Variants in MAN2A2 observed in about 807,000 individuals in gnomAD.
MAN2A2 encodes the protein mannosidase alpha class 2A member 2.
A neutral mutation model predicts 126.8 loss-of-function variants in MAN2A2; 79 were observed. The observed-to-expected ratio is 0.62, with a 90% confidence interval of 0.52 to 0.75. The LOEUF is 0.75. Ranked by LOEUF, MAN2A2 falls within the 30% of genes least tolerant of loss-of-function variation. MAN2A2 has a pLI of 0.00. For missense variants in MAN2A2, 1,392 were observed against 1,522.4 expected (o/e 0.91, Z 1.43); for synonymous variants, 671 against 618.7 (o/e 1.08, Z -1.25).
At position 90,910,254 on chromosome 15, in the gene MAN2A2, C is replaced by G. The variant is rs1299068682; in HGVS notation, c.1539C>G (p.Phe513Leu). The G allele has an allele frequency of 1.9e-6, 3 of 1,614,098 alleles. No individual in the cohort carries two copies. The highest frequency in any genetic ancestry group is 1.3e-5 in the African/African-American group (1 of 74,942). The change falls in exon 10 of 23, where the codon TTC (phenylalanine) becomes TTG (leucine). Residue 513 changes from phenylalanine (F) to leucine (L), a missense_variant. Transcript: ENST00000559717. ...CAGGCTATTACACTTCCCGGCCCTT[C>G]TACAAGAGCTTAGACCGAGTCCTGG... Reference protein sequence around the residue: ...YWTGYYTSRPFYKSLDRVLEA... With the variant: ...YWTGYYTSRPLYKSLDRVLEA...
chr15:90,913,535 G>C (rs535858094), intron 18 of MAN2A2, 79 bp from the exon 19 acceptor site: 5 of 1,564,364 alleles, frequency 3.2e-6, no homozygotes, highest in Non-Finnish European at 4.3e-6. Flanking sequence ...AAGAGTTATC[G>C]GGGACTCCTT....
At position 90,919,770 on chromosome 15, in the gene MAN2A2, C is replaced by T. The variant is rs143436965; in HGVS notation, c.3436C>T (p.Arg1146Cys). ...YLEPMEIATF[R>C]LRLG ...GGAGCCCATGGAGATTGCTACCTTT[C>T]GCCTCCGCTTGGGTTAGGGCTTCTT... Residue 1146 changes from arginine (R) to cysteine (C), a missense_variant, in exon 23 of 23, where the codon CGC becomes TGC. Arg to Cys is a radical substitution (Grantham distance 180). Coordinates refer to ENST00000559717, the MANE Select transcript of MAN2A2 (RefSeq NM_006122.4). The T allele has an allele frequency of 4.8e-4, 772 of 1,614,138 alleles. No homozygotes were observed. The highest frequency in any genetic ancestry group is 6.1e-4 in the Non-Finnish European group (725 of 1,180,016).
rs181792880 is a variant in MAN2A2, at chr15:90,918,877, G to C, written c.3300+122G>C. 5.4e-4 allele frequency: 389 copies of C among 721,498 alleles called. 7 individuals carry two copies. The Middle Eastern group carries it at 8.3e-3, about 15-fold the overall frequency. The allele number at this position is 721,498 out of a possible 1,614,324, so 44.7% of individuals were successfully genotyped here. On this transcript the variant is annotated intron_variant, in intron 22 of 22. Coordinates refer to ENST00000559717, the MANE Select transcript of MAN2A2 (RefSeq NM_006122.4). ...CACTCCAGGGCTTTCTGGAGAGAAG[G>C]GGGGAAGCTGTAGACATGTTTTCAG...
rs889155146 is a variant in MAN2A2 at position 90,913,114 on chromosome 15, C to G, written c.2584+123C>G. ...CCGTATCATTTGAGACAGGGATGCT[C>G]CATTCTCTTGGAGAAAAAGTCATCC... is the stretch of plus-strand genomic sequence containing the variant. On this transcript the variant is annotated intron_variant, in intron 17 of 22. Transcript: ENST00000559717. 21 of 1,166,126 alleles carry G rather than the reference C, an allele frequency of 1.8e-5. No individual in the cohort carries two copies. In the African/African-American group the frequency reaches 2.8e-4, roughly 15 times the overall value. 72.2% of individuals were successfully genotyped at this position (1,166,126 alleles called of 1,614,324 possible). A position where few individuals can be genotyped will look rare whatever the true frequency, so the allele number is the denominator to read the frequency against.
chr15:90,909,307 TG>T lies in MAN2A2; in HGVS notation c.1197-19del, dbSNP rs755046225. ...CTGATGAGACTTCGTGGTGGGCCCA[TG>T]TTTTTTTTCCTGCCCCAGGGCAGCC... On this transcript the variant is annotated intron_variant, in intron 8 of 22. Transcript: ENST00000559717. 2 of 1,594,892 alleles carry T rather than the reference TG, an allele frequency of 1.3e-6. No individual in the cohort carries two copies. The highest frequency in any genetic ancestry group is 2.2e-5 in the South Asian group (2 of 90,200).
At chr15:90,906,099 C>G in intron 5 of MAN2A2, 83 bp downstream of exon 5, 1 of 1,568,930 alleles carries the variant, frequency 6.4e-7, no homozygotes, top group Non-Finnish European at 8.7e-7. Context: ...GCTATGGGTG[C>G]CAAGGTGGCA....
intron 16 of MAN2A2, 96 bp downstream of exon 16, chr15:90,912,760 T>C: frequency 6.3e-7 from 1 of 1,585,924 alleles, no homozygotes; most frequent in Non-Finnish European, 8.6e-7. Context: ...GGCCTTGTCT[T>C]TCCTGTTCAG....
rs1481303976 is a variant in MAN2A2 at position 90,910,911 on chromosome 15, G to T, written c.1825G>T (p.Gly609Trp). 1.2e-6 allele frequency: 2 copies of T among 1,614,016 alleles called. No homozygotes were observed. The highest frequency in any genetic ancestry group is 3.3e-5 in the Admixed American group (2 of 59,994). ...IIHAAHYLVL[G>W]DKETYHFDPE... ...TCATGCAGCCCACTATCTGGTGCTG[G>T]GGGACAAGGAGACCTACCACTTTGA... The change falls in exon 12 of 23, where the codon GGG becomes TGG. Residue 609 changes from glycine to tryptophan, a missense_variant. By Grantham distance (184) the Gly-to-Trp change is radical. Coordinates refer to ENST00000559717, the MANE Select transcript of MAN2A2 (RefSeq NM_006122.4).
At chr15:90,918,055 G>GCCAGGCGTGCCCTTGAGT in intron 20 of MAN2A2, 139 bp from the exon 21 acceptor site, 1 of 757,704 alleles carries the variant, frequency 1.3e-6, no homozygotes, top group South Asian at 1.7e-5. Flanking sequence ...CTCGCCTGGA[G>GCCAGGCGTGCCCTTGAGT]CCAGGCGTGC....
chr15:90,902,686 G>C (rs915811236), upstream of MAN2A2: 1 of 150,594 alleles, frequency 6.6e-6, no homozygotes, highest in Non-Finnish European at 1.5e-5. Flanking sequence ...CAGCTCCGCC[G>C]GGCACACGCA....
At position 90,910,503 on chromosome 15, in the gene MAN2A2, G is replaced by A; in HGVS notation, c.1580G>A (p.Gly527Glu). The A allele has an allele frequency of 3.7e-6, 6 of 1,613,884 alleles. No homozygotes were observed. The highest frequency in any genetic ancestry group is 5.1e-6 in the Non-Finnish European group (6 of 1,180,004). The change falls in exon 11 of 23, where the codon GGG becomes GAG. Residue 527 changes from glycine (G) to glutamate (E), a missense_variant and splice_region_variant. Physicochemically the swap from Gly to Glu is moderately conservative, Grantham distance 98. Transcript: ENST00000559717. ...AGCTAACTTCTCTCTCTGGGCAGGG[G>A]GGCAGAGGTTCTGTACAGCCTGGCT... ...LDRVLEAHLR[G>E]AEVLYSLAAA...
At chr15:90,917,099 G>A (rs1193580831) in intron 20 of MAN2A2, among the ~76,000 whole-genome samples, 4 of 152,156 alleles carry the variant, frequency 2.6e-5, no homozygotes, top group Admixed American at 2.0e-4. Context: ...TATCCAGTAC[G>A]GTGGCCAGTA....
Position 90,910,698 on chromosome 15 carries a change from T to C in MAN2A2, c.1760+15T>C. The C allele has an allele frequency of 6.2e-7, 1 of 1,612,844 alleles. No individual in the cohort carries two copies. The highest frequency in any genetic ancestry group is 8.5e-7 in the Non-Finnish European group (1 of 1,179,754). On this transcript the variant is annotated intron_variant, in intron 11 of 22. Transcript: ENST00000559717. ...TATGGGGTCAGGTGGGAGCCTTCTC[T>C]TTTCCCTTGTAAGCTCCCCTGCTCA...
chr15:90,913,544 T>G, intron 18 of MAN2A2, 70 bp from the exon 19 acceptor site: 1 of 1,568,826 alleles, frequency 6.4e-7, no homozygotes, highest in Non-Finnish European at 8.6e-7. Context: ...CGGGGACTCC[T>G]TCAGTCTGGG....
At chr15:90,913,183 C>G in intron 17 of MAN2A2, 90 bp from the exon 18 acceptor site, 1 of 1,502,388 alleles carries the variant, frequency 6.7e-7, no homozygotes, top group Admixed American at 1.9e-5. Flanking sequence ...CAGAGCCTCT[C>G]CCCAGCTCGG....
rs767424227 is a variant in MAN2A2, at chr15:90,905,415, G to A, written c.297G>A (p.Val99=). ...LPYYTVNGSW[V]VPPEPRPSFF... ...ACTACACGGTCAATGGCTCCTGGGT[G>A]GTGCCACCGGAGCCCCGGCCCAGCT... The change falls in exon 3 of 23, where the codon GTG becomes GTA. Residue 99 remains valine, a synonymous_variant. Transcript: ENST00000559717. 1.2e-6 allele frequency: 2 copies of A among 1,613,796 alleles called. No individual in the cohort carries two copies. The highest frequency in any genetic ancestry group is 1.7e-5 in the Admixed American group (1 of 60,020).
At position 90,918,730 on chromosome 15, in the gene MAN2A2, T is replaced by G; in HGVS notation, c.3275T>G (p.Phe1092Cys). The change falls in exon 22 of 23, where the codon TTC becomes TGC. Residue 1092 changes from phenylalanine to cysteine, a missense_variant. Coordinates refer to ENST00000559717, the MANE Select transcript of MAN2A2 (RefSeq NM_006122.4). ...DCGLEAKNLGFNCTTSQGKVA... is the reference protein window; with the variant it reads ...DCGLEAKNLGCNCTTSQGKVA... The stretch of plus-strand genomic sequence containing the variant: ...GGCCTGGAGGCCAAGAACTTGGGCT[T>G]CAACTGCACCACAAGCCAAGGCAAG... The G allele has an allele frequency of 2.6e-6, 4 of 1,521,542 alleles. No individual in the cohort carries two copies. Among genetic ancestry groups the G allele is most frequent in the Non-Finnish European group, 3.6e-6 (4 of 1,096,314 alleles). 94.3% of individuals were successfully genotyped at this position (1,521,542 alleles called of 1,614,324 possible).
intron 9 of MAN2A2, among the ~76,000 whole-genome samples, chr15:90,909,777 G>T (rs533531579): frequency 6.6e-6 from 1 of 152,258 alleles, no homozygotes; most frequent in South Asian, 2.1e-4. Flanking sequence ...CTAATTTTTT[G>T]TAGTTTTAGT....
At position 90,910,104 on chromosome 15, in the gene MAN2A2, T is replaced by C. The variant is rs1168862226; in HGVS notation, c.1389T>C (p.Thr463=). 6.2e-7 allele frequency: 1 copy of C among 1,612,004 alleles called. No individual in the cohort carries two copies. The highest frequency in any genetic ancestry group is 8.5e-7 in the Non-Finnish European group (1 of 1,178,926). The part of the protein sequence containing the change: ...PNLHVQAQFG[T]LSDYFDALYK... ...GGTTCCCACAGGCCCAGTTTGGCACTCTTTCTGACTATTTTGATGCCCTGT... is the reference window on the plus strand; with the variant it reads ...GGTTCCCACAGGCCCAGTTTGGCACCCTTTCTGACTATTTTGATGCCCTGT... Residue 463 remains threonine, a synonymous_variant, in exon 10 of 23, where the codon ACT becomes ACC. Transcript: ENST00000559717.
Sources: gnomAD v4.1 joint callset for allele counts (sites outside exome capture counted in the v4.1 genomes callset) on GRCh38, gnomAD v4.1.1 for gene constraint, MANE v1.5 for transcripts, NCBI Gene and HGNC (gene_info 2026-07-23, HGNC 2026-07-21) for gene names.